ZNF607: variants seen among roughly 807,000 people sequenced by gnomAD.
The protein encoded by ZNF607 is zinc finger protein 607.
A neutral mutation model predicts 12.8 loss-of-function variants in ZNF607; 5 were observed. That is an observed-to-expected ratio of 0.39 (90% CI 0.20 to 0.82). ZNF607 has a LOEUF of 0.82. Among genes scored for constraint, ZNF607 ranks in the 40% least tolerant of loss-of-function variants. The pLI, the probability that ZNF607 is intolerant of heterozygous loss-of-function variation, is 0.39. For synonymous variants in ZNF607, 287 were observed against 276.2 expected, an observed-to-expected ratio of 1.04 and a Z score of -0.39; for missense variants, 851 against 859.2, an observed-to-expected ratio of 0.99 and a Z score of 0.12.
Position 37,698,996 on chromosome 19 carries a change from G to A in ZNF607, c.1135C>T (p.Arg379Ter), listed in dbSNP as rs146683905. The change falls in exon 5 of 5, where the codon CGA (arginine) becomes TGA (stop). Residue 379 changes from arginine (R) to a stop codon, truncating the protein, a stop_gained. Transcript: ENST00000355202. LOFTEE classifies it low-confidence loss of function (END_TRUNC). Reference sequence around the variant, plus strand: ...TGAATACCCTGATGTCGAGTAAGTCGTCCATGCACACTAAAGGCTTTCCCA... The same window carrying A: ...TGAATACCCTGATGTCGAGTAAGTCATCCATGCACACTAAAGGCTTTCCCA... Reference protein sequence around the residue: ...ECGKAFSVHGRLTRHQGIHSG... With the variant: ...ECGKAFSVHG 3.3e-4 allele frequency: 528 copies of A among 1,613,782 alleles called. 1 individual carries two copies. Among genetic ancestry groups the A allele is most frequent in the Admixed American group, 5.2e-4 (31 of 59,988 alleles).
In ZNF607 at chr19:37,698,414, C is replaced by T. The variant is rs369366427; in HGVS notation, c.1717G>A (p.Ala573Thr). 2.7e-5 allele frequency: 44 copies of T among 1,614,050 alleles called. No individual in the cohort carries two copies. The highest frequency in any genetic ancestry group is 1.7e-6 in the Non-Finnish European group (2 of 1,180,018). Residue 573 changes from alanine to threonine, a missense_variant, in exon 5 of 5, where the codon GCC becomes ACC. Transcript: ENST00000355202. ...CKECGKAFRH[A>T]TSLIYHDRTH... ...CGGTCATGATATATGAGGCTTGTGG[C>T]ATGACGAAAGGCCTTGCCACATTCC...
At chr19:37,711,467 T>A in intron 2 of ZNF607, 143 bp downstream of exon 2, 4 of 821,428 alleles carry the variant, frequency 4.9e-6, no homozygotes, top group Non-Finnish European at 6.1e-6. Context: ...ATGTGGTACA[T>A]ATTTTACTGG....
In ZNF607 at chr19:37,699,157, GTAAGTTGATACCTA is replaced by G. The variant is rs1568402929; in HGVS notation, c.960_973del (p.Arg321HisfsTer13). On this transcript the variant is annotated frameshift_variant, in exon 5 of 5. Coordinates refer to ENST00000355202, the MANE Select transcript of ZNF607 (RefSeq NM_032689.5). LOFTEE classifies it low-confidence loss of function (END_TRUNC). ...CCCTGAATAAATTCTCTGATGCATG[GTAAGTTGATACCTA>G]CATGTAAAGCCCTTCCCGCATTCCT... 5 of 1,614,002 alleles carry G rather than the reference GTAAGTTGATACCTA, an allele frequency of 3.1e-6. No homozygotes were observed. Among genetic ancestry groups the G allele is most frequent in the Non-Finnish European group, 4.2e-6 (5 of 1,180,020 alleles).
intron 1 of ZNF607, among the ~76,000 whole-genome samples, chr19:37,717,675 C>A (rs1157647921): frequency 1.3e-5 from 2 of 150,782 alleles, no homozygotes; most frequent in African/African-American, 4.9e-5. Context: ...GCATGGTGGC[C>A]CATGCTTGTA....
In ZNF607 at chr19:37,698,480, G is replaced by A; in HGVS notation, c.1651C>T (p.His551Tyr). ...SFRFISVLKA[H>Y]QNIHSAEKPY... is the part of the protein sequence containing the mutation. ...TTCTCAGCGCTATGAATATTCTGAT[G>A]GGCTTTAAGTACAGAAATGAACCTA... Residue 551 changes from histidine (H) to tyrosine (Y), a missense_variant, in exon 5 of 5, where the codon CAT (histidine) becomes TAT (tyrosine). Physicochemically the swap from His to Tyr is moderately conservative, Grantham distance 83. Coordinates refer to ENST00000355202, the MANE Select transcript of ZNF607 (RefSeq NM_032689.5). The A allele has an allele frequency of 1.2e-6, 2 of 1,614,010 alleles. No individual in the cohort carries two copies. Among genetic ancestry groups the A allele is most frequent in the Non-Finnish European group, 1.7e-6 (2 of 1,179,998 alleles).
intron 1 of ZNF607, among the ~76,000 whole-genome samples, chr19:37,718,115 A>G (rs1194784958): frequency 6.6e-6 from 1 of 152,180 alleles, no homozygotes; most frequent in Non-Finnish European, 1.5e-5. Context: ...ACATCCTAGA[A>G]AAATGCAAAT....
chr19:37,712,036 T>C (rs996175647), intron 1 of ZNF607, among the ~76,000 whole-genome samples: 6 of 152,276 alleles, frequency 3.9e-5, no homozygotes, highest in Middle Eastern at 6.8e-3. Flanking sequence ...ATTCCCTCCT[T>C]TAAGGGTAAA....
At chr19:37,705,076 T>C (rs2045070054) in intron 4 of ZNF607, among the ~76,000 whole-genome samples, 1 of 150,620 alleles carries the variant, frequency 6.6e-6, no homozygotes, top group Non-Finnish European at 1.5e-5. Context: ...AATAATAAAA[T>C]AGAAAACTGA....
chr19:37,707,643 TGTG>T (rs1317632246), intron 4 of ZNF607, among the ~76,000 whole-genome samples: 1 of 152,008 alleles, frequency 6.6e-6, no homozygotes, highest in Non-Finnish European at 1.5e-5. Context: ...GGTATGCACT[TGTG>T]GTCCCAGCTA....
At chr19:37,704,031 G>C (rs2045060755) in intron 4 of ZNF607, among the ~76,000 whole-genome samples, 1 of 151,994 alleles carries the variant, frequency 6.6e-6, no homozygotes. Context: ...GCTACTCAGA[G>C]GCTGAAGCAG....
Position 37,699,814 on chromosome 19 carries a change from C to A in ZNF607, c.317G>T (p.Arg106Ile), listed in dbSNP as rs2145225576. Reference protein sequence around the residue: ...RKHSCVTLHQRIHNGQKPYEC... With the variant: ...RKHSCVTLHQIIHNGQKPYEC... ...ATATGGTTTCTGTCCATTATGAATT[C>A]TCTGATGGAGAGTAACACATGAGTG... The change falls in exon 5 of 5, where the codon AGA becomes ATA. Residue 106 changes from arginine to isoleucine, a missense_variant. Arg to Ile is a moderately conservative substitution (Grantham distance 97). Transcript: ENST00000355202. 6.2e-7 allele frequency: 1 copy of A among 1,613,896 alleles called. No individual in the cohort carries two copies. Among genetic ancestry groups the A allele is most frequent in the Non-Finnish European group, 8.5e-7 (1 of 1,179,918 alleles).
In ZNF607 at chr19:37,708,037, A is replaced by G. The variant is rs1043533566; in HGVS notation, c.137-25T>C. 6.3e-6 allele frequency: 10 copies of G among 1,577,944 alleles called. No homozygotes were observed. In the East Asian group the frequency reaches 9.0e-5, roughly 14 times the overall value. On this transcript the variant is annotated intron_variant, in intron 3 of 4. Coordinates refer to ENST00000355202, the MANE Select transcript of ZNF607 (RefSeq NM_032689.5). ...GCTTACAAAGAAAAGAAGTGCCACA[A>G]AATACGGAAATCAACTTTGAAGGTA... is the stretch of plus-strand genomic sequence containing the variant.
chr19:37,699,373 A>T lies in ZNF607; in HGVS notation c.758T>A (p.Phe253Tyr), dbSNP rs763850910. The T allele has an allele frequency of 6.2e-7, 1 of 1,613,502 alleles. No homozygotes were observed. The highest frequency in any genetic ancestry group is 8.5e-7 in the Non-Finnish European group (1 of 1,179,892). ...GGACTTCCCACATTTGTTACATTCA[A>T]AGGGCTTCTCACCAGTGTGAATACT... The part of the protein sequence containing the change: ...HQSIHTGEKP[F>Y]ECNKCGKSFR... The change falls in exon 5 of 5, where the codon TTT becomes TAT. Residue 253 changes from phenylalanine to tyrosine, a missense_variant. Coordinates refer to ENST00000355202, the MANE Select transcript of ZNF607 (RefSeq NM_032689.5).
In ZNF607 at chr19:37,697,710, A is replaced by G. The variant is rs2145219728; in HGVS notation, c.*330T>C. The G allele has an allele frequency of 3.2e-6, 1 of 310,700 alleles. No individual in the cohort carries two copies. The highest frequency in any genetic ancestry group is 5.8e-5 in the South Asian group (1 of 17,234). 19.2% of individuals were successfully genotyped at this position (310,700 alleles called of 1,614,324 possible). The stretch of plus-strand genomic sequence containing the variant: ...TGCTGGAAGATGTTTACATGCAAGT[A>G]TAAAGAATGGTTTCCTACGTTTTCT... On this transcript the variant is annotated 3_prime_UTR_variant, in exon 5 of 5. Coordinates refer to ENST00000355202, the MANE Select transcript of ZNF607 (RefSeq NM_032689.5).
rs1180467917 is a variant in ZNF607 at position 37,698,654 on chromosome 19, TGA to T, written c.1475_1476del (p.Leu492HisfsTer10). ...CGKGFSYSHK[L>X]TIHRRVHTGE... is the part of the protein sequence containing the mutation. ...CCAGTATGAACTCTGCGATGTATAG[TGA>T]GTTTATGGCTATAACTAAAACCCTT... On this transcript the variant is annotated frameshift_variant, in exon 5 of 5. Coordinates refer to ENST00000355202, the MANE Select transcript of ZNF607 (RefSeq NM_032689.5). LOFTEE classifies it low-confidence loss of function (END_TRUNC). 6.2e-7 allele frequency: 1 copy of T among 1,613,814 alleles called. No homozygotes were observed. The highest frequency in any genetic ancestry group is 1.3e-5 in the African/African-American group (1 of 74,852).
At chr19:37,709,911 C>A (rs1051877422) in intron 2 of ZNF607, 89 bp from the exon 3 acceptor site, 1 of 1,481,080 alleles carries the variant, frequency 6.8e-7, no homozygotes, top group Non-Finnish European at 9.2e-7. Flanking sequence ...AATCCCAGCA[C>A]TTTGGGAGGC....
At chr19:37,701,022 T>C (rs1053629211) in intron 4 of ZNF607, among the ~76,000 whole-genome samples, 3 of 152,156 alleles carry the variant, frequency 2.0e-5, no homozygotes, top group African/African-American at 7.2e-5. Context: ...AATAGTCAAT[T>C]GTCATAGATG....
intron 4 of ZNF607, 117 bp downstream of exon 4, chr19:37,707,797 G>T: frequency 1.3e-6 from 1 of 763,490 alleles, no homozygotes; most frequent in Non-Finnish European, 2.2e-6. Flanking sequence ...AAGCCTCCTC[G>T]CTGAGAAGGG....
intron 1 of ZNF607, among the ~76,000 whole-genome samples, chr19:37,717,342 C>T (rs1208711846): frequency 1.3e-5 from 2 of 152,050 alleles, no homozygotes; most frequent in African/African-American, 2.4e-5. Context: ...CCCACCACCA[C>T]GCCCGGCTAA....
Sources: allele counts gnomAD v4.1 joint callset (sites outside exome capture counted in the v4.1 genomes callset), GRCh38; gene constraint gnomAD v4.1.1; transcripts MANE v1.5; gene names NCBI Gene and HGNC (gene_info 2026-07-23, HGNC 2026-07-21).